ABCA9: variants seen among roughly 807,000 people sequenced by gnomAD.
ABCA9 encodes ATP-binding cassette sub-family A member 9.
In ABCA9, 183 loss-of-function variants were observed where a neutral mutation model predicts 205.3. That is an observed-to-expected ratio of 0.89 (90% CI 0.79 to 1.01). ABCA9 has a LOEUF of 1.01. ABCA9 is among the 50% of genes least tolerant of loss of function. The pLI, the probability that ABCA9 is intolerant of heterozygous loss-of-function variation, is 0.00. For missense variants in ABCA9, 1,805 were observed against 1,912.4 expected (o/e 0.94, Z 1.05); for synonymous variants, 651 against 683.3 (o/e 0.95, Z 0.74).
chr17:69,061,238 G>A, upstream of ABCA9: 1 of 782,562 alleles, frequency 1.3e-6, no homozygotes, highest in Non-Finnish European at 1.6e-6. Flanking sequence ...CCTAATGGGA[G>A]AGTTGACCCC....
At position 68,992,182 on chromosome 17, in the gene ABCA9, C is replaced by G; in HGVS notation, c.3709G>C (p.Val1237Leu). The G allele has an allele frequency of 6.3e-7, 1 of 1,581,582 alleles. No homozygotes were observed. Among genetic ancestry groups the G allele is most frequent in the Non-Finnish European group, 8.6e-7 (1 of 1,162,846 alleles). ...CRKKLMRKDP[V>L]FRISPRSNAI... Reference sequence around the variant, plus strand: ...CGATTTGATTTTCTCAACCTGAACACAGGATCCTTTCTCATTAGTTTCTTC... The same window carrying G: ...CGATTTGATTTTCTCAACCTGAACAGAGGATCCTTTCTCATTAGTTTCTTC... The change falls in exon 28 of 39, where the codon GTG becomes CTG. Residue 1237 changes from valine (V) to leucine (L), a missense_variant. By Grantham distance (32) the Val-to-Leu change is conservative. Transcript: ENST00000340001.
At position 69,021,843 on chromosome 17, in the gene ABCA9, T is replaced by C; in HGVS notation, c.2300A>G (p.Asp767Gly). 2 of 1,542,196 alleles carry C rather than the reference T, an allele frequency of 1.3e-6. No homozygotes were observed. Among genetic ancestry groups the C allele is most frequent in the Non-Finnish European group, 1.8e-6 (2 of 1,132,272 alleles). ...NKFPELYRDL[D>G]RCSNQGIEDY... ...CTCAATGCCTTGGTTAGAACATCTATCAAGATCCCTGTAAAGTTCTAAAAG... is the reference window on the plus strand; with the variant it reads ...CTCAATGCCTTGGTTAGAACATCTACCAAGATCCCTGTAAAGTTCTAAAAG... The change falls in exon 18 of 39, where the codon GAT (aspartate) becomes GGT (glycine). Residue 767 changes from aspartate to glycine, a missense_variant. Coordinates refer to ENST00000340001, the MANE Select transcript of ABCA9 (RefSeq NM_080283.4).
rs764295220 is a variant in ABCA9, at chr17:69,016,312, GTCC to G, written c.2977_2979del (p.Gly993del). 5.0e-6 allele frequency: 8 copies of G among 1,602,584 alleles called. No homozygotes were observed. In the African/African-American group the frequency reaches 9.5e-5, roughly 19 times the overall value. The stretch of plus-strand genomic sequence containing the variant: ...TCTGACGAATTAAAAATTCCAAGTA[GTCC>G]ATTGCTAATGACATCCAGGAGGACA... On this transcript the variant is annotated inframe_deletion, in exon 22 of 39. Transcript: ENST00000340001.
chr17:68,993,519 A>G lies in ABCA9; in HGVS notation c.3556-435T>C, dbSNP rs116103461. ...GCCACTTTTGAGAGTAATTATGACAATCTTTTCAAACTGAAGACAAAGTTC... is the reference window on the plus strand; with the variant it reads ...GCCACTTTTGAGAGTAATTATGACAGTCTTTTCAAACTGAAGACAAAGTTC... On this transcript the variant is annotated intron_variant, in intron 26 of 38. Transcript: ENST00000340001. Among the ~76,000 whole-genome samples the G allele has an allele frequency of 7.0e-3, 1,071 of 152,366 alleles. 15 individuals are homozygous for G. The highest frequency in any genetic ancestry group is 0.024 in the African/African-American group (987 of 41,590).
In ABCA9 at chr17:68,975,842, G is replaced by A; in HGVS notation, c.*73C>T. 1 of 1,106,698 alleles carries A rather than the reference G, an allele frequency of 9.0e-7. No homozygotes were observed. The highest frequency in any genetic ancestry group is 1.4e-5 in the South Asian group (1 of 73,926). The allele number at this position is 1,106,698 out of a possible 1,614,324, so 68.6% of individuals were successfully genotyped here. On this transcript the variant is annotated 3_prime_UTR_variant, in exon 39 of 39. Transcript: ENST00000340001. ...CATTTTGTACCACCTCTGATATAAG[G>A]CATATTAAGGCTATAAAATATTATC...
chr17:69,054,637 G>A (rs1301066093), intron 1 of ABCA9, among the ~76,000 whole-genome samples: 1 of 151,826 alleles, frequency 6.6e-6, no homozygotes, highest in Non-Finnish European at 1.5e-5. Context: ...ATTTTTAACT[G>A]ATTTGAAACA....
At chr17:68,993,878 C>G (rs1048347424) in intron 26 of ABCA9, among the ~76,000 whole-genome samples, 2 of 152,070 alleles carry the variant, frequency 1.3e-5, no homozygotes, top group African/African-American at 2.4e-5. Context: ...TCTGCTGATA[C>G]TATATTTTTT....
intron 25 of ABCA9, 120 bp from the exon 26 acceptor site, chr17:68,996,134 A>C: frequency 1.0e-6 from 1 of 971,748 alleles, no homozygotes; most frequent in Non-Finnish European, 1.5e-6. Context: ...TCCCCAAACC[A>C]GTATTTATAT....
chr17:69,074,673 G>C, the ABCA9 span, among the ~76,000 whole-genome samples: 2 of 152,270 alleles, frequency 1.3e-5, no homozygotes, highest in African/African-American at 4.8e-5. Context: ...CATCTCGGTT[G>C]ATTCCATGTC....
At chr17:68,988,944 T>C in intron 31 of ABCA9, 83 bp downstream of exon 31, 1 of 811,146 alleles carries the variant, frequency 1.2e-6, no homozygotes, top group Non-Finnish European at 2.0e-6. Flanking sequence ...TAAGTGATTA[T>C]GGATCAACTA....
intron 6 of ABCA9, among the ~76,000 whole-genome samples, chr17:69,037,601 C>A (rs143023457): frequency 6.6e-6 from 1 of 152,122 alleles, no homozygotes; most frequent in Non-Finnish European, 1.5e-5. Context: ...TAAATGCCCA[C>A]AGGAGAAAAC....
chr17:69,027,833 A>T lies in ABCA9; in HGVS notation c.1616-18T>A. 1 of 1,567,034 alleles carries T rather than the reference A, an allele frequency of 6.4e-7. No homozygotes were observed. The highest frequency in any genetic ancestry group is 8.7e-7 in the Non-Finnish European group (1 of 1,153,478). On this transcript the variant is annotated intron_variant, in intron 12 of 38. Transcript: ENST00000340001. ...GACTGAACCTGAAAGCAGAAGGCAG[A>T]GAGTGACCATCAGGAAAATGTGTCA...
chr17:68,984,790 T>C, intron 34 of ABCA9, 95 bp downstream of exon 34: 3 of 1,514,572 alleles, frequency 2.0e-6, no homozygotes, highest in Non-Finnish European at 2.7e-6. Flanking sequence ...TTCCTGATAC[T>C]GTGTCTTTTC....
At chr17:68,982,757 C>A (rs950261670) in intron 36 of ABCA9, 116 bp from the exon 37 acceptor site, 1 of 731,914 alleles carries the variant, frequency 1.4e-6, no homozygotes, top group Admixed American at 2.4e-5. Flanking sequence ...GTAACCACTG[C>A]AATTTGGGAG....
chr17:69,032,632 C>G (rs1327289967), intron 9 of ABCA9: 3 of 165,900 alleles, frequency 1.8e-5, no homozygotes, highest in Non-Finnish European at 3.9e-5. Flanking sequence ...TGGAGTCTCA[C>G]TCTGTCACCC....
intron 3 of ABCA9, among the ~76,000 whole-genome samples, chr17:69,045,550 A>G (rs575260873): frequency 1.3e-5 from 2 of 151,998 alleles, no homozygotes; most frequent in South Asian, 4.2e-4. Context: ...AATATAACTT[A>G]CCCTTCCAAA....
In ABCA9 at chr17:69,027,644, T is replaced by G. The variant is rs2071036960; in HGVS notation, c.1787A>C (p.Lys596Thr). 2 of 1,613,134 alleles carry G rather than the reference T, an allele frequency of 1.2e-6. No individual in the cohort carries two copies. Among genetic ancestry groups the G allele is most frequent in the Non-Finnish European group, 1.7e-6 (2 of 1,179,832 alleles). Residue 596 changes from lysine to threonine, a missense_variant, in exon 13 of 39, where the codon AAA becomes ACA. Coordinates refer to ENST00000340001, the MANE Select transcript of ABCA9 (RefSeq NM_080283.4). Reference protein sequence around the residue: ...IKGILPHEVEKEVQRVVQELE... With the variant: ...IKGILPHEVETEVQRVVQELE... Reference sequence around the variant, plus strand: ...ACATCTAATATGCTCACATACCTCTTTCTCCACTTCATGTGGCAAAATCCC... The same window carrying G: ...ACATCTAATATGCTCACATACCTCTGTCTCCACTTCATGTGGCAAAATCCC...
intron 19 of ABCA9, 28 bp downstream of exon 19, chr17:69,020,355 GACAAA>G (rs1567949111): frequency 2.6e-6 from 4 of 1,554,650 alleles, no homozygotes; most frequent in Admixed American, 2.1e-5. Flanking sequence ...TTAGTTCACA[GACAAA>G]ACAAATCTGA....
upstream of ABCA9, among the ~76,000 whole-genome samples, chr17:69,061,732 T>C: frequency 6.6e-6 from 1 of 152,204 alleles, no homozygotes; most frequent in East Asian, 1.9e-4. Context: ...TAACTGGTAA[T>C]AGATGCCATT....
Sources: gnomAD v4.1 joint callset for allele counts (sites outside exome capture counted in the v4.1 genomes callset) on GRCh38, gnomAD v4.1.1 for gene constraint, MANE v1.5 for transcripts, NCBI Gene and HGNC (gene_info 2026-07-23, HGNC 2026-07-21) for gene names.